Variants in EPHB2 observed in about 807,000 individuals in gnomAD.
The protein encoded by EPHB2 is EPH receptor B2, also known as ephrin type-B receptor 2.
A neutral mutation model predicts 96.4 loss-of-function variants in EPHB2; 18 were observed. The ratio of observed to expected loss-of-function variants is 0.19; its 90% CI spans 0.13 to 0.28. The LOEUF (loss-of-function observed/expected upper bound fraction) is 0.28, where lower values mean the gene tolerates loss of function less well. EPHB2 is among the 10% of genes least tolerant of loss of function. The pLI, the probability that EPHB2 is intolerant of heterozygous loss-of-function variation, is 1.00. For synonymous variants in EPHB2, 506 were observed against 534.1 expected (o/e 0.95, Z 0.72); for missense variants, 989 against 1,355.4 (o/e 0.73, Z 4.25).
chr1:22,832,342 A>C (rs1229046877), intron 3 of EPHB2, among the ~76,000 whole-genome samples: 1 of 152,192 alleles, frequency 6.6e-6, no homozygotes, highest in Non-Finnish European at 1.5e-5. Flanking sequence ...ACCGGGCCTC[A>C]AGAAATGGTG....
chr1:22,712,769 G>C (rs886854529), intron 1 of EPHB2, among the ~76,000 whole-genome samples: 1 of 152,226 alleles, frequency 6.6e-6, no homozygotes, highest in African/African-American at 2.4e-5. Flanking sequence ...TGTGGAATAT[G>C]GCTGAGGTAC....
At chr1:22,797,616 T>G (rs1031447180) in intron 3 of EPHB2, among the ~76,000 whole-genome samples, 1 of 152,068 alleles carries the variant, frequency 6.6e-6, no homozygotes, top group African/African-American at 2.4e-5. Context: ...CCAGACTCAC[T>G]CCACTGTCTC....
chr1:22,893,108 G>A, intron 7 of EPHB2, 62 bp downstream of exon 7: 2 of 1,612,412 alleles, frequency 1.2e-6, no homozygotes, highest in South Asian at 2.2e-5. Context: ...AAACTCAAGG[G>A]TCACCATTCT....
At chr1:22,866,068 A>G (rs1638465033) in intron 5 of EPHB2, among the ~76,000 whole-genome samples, 1 of 152,130 alleles carries the variant, frequency 6.6e-6, no homozygotes, top group African/African-American at 2.4e-5. Flanking sequence ...TCAGTGTCAT[A>G]GGAGGCTAAG....
At chr1:22,824,108 G>T (rs1645189835) in intron 3 of EPHB2, among the ~76,000 whole-genome samples, 2 of 152,154 alleles carry the variant, frequency 1.3e-5, no homozygotes, top group Admixed American at 6.5e-5. Context: ...TAAGTATTTG[G>T]GAGGGGCTGG....
chr1:22,893,796 G>T (rs1229600801), intron 7 of EPHB2, among the ~76,000 whole-genome samples: 1 of 152,148 alleles, frequency 6.6e-6, no homozygotes, highest in East Asian at 1.9e-4. Flanking sequence ...CCTAGCACAG[G>T]GTTGGCACTA....
chr1:22,885,289 G>A (rs930563154), intron 6 of EPHB2, among the ~76,000 whole-genome samples: 5 of 152,186 alleles, frequency 3.3e-5, no homozygotes, highest in African/African-American at 1.2e-4. Context: ...CCCCAAAGAC[G>A]GGCAACGGAA....
chr1:22,723,167 C>A (rs947434628), intron 1 of EPHB2, among the ~76,000 whole-genome samples: 1 of 152,250 alleles, frequency 6.6e-6, no homozygotes, highest in Non-Finnish European at 1.5e-5. Context: ...GGACAAAAAG[C>A]ATCTGAAACG....
intron 3 of EPHB2, among the ~76,000 whole-genome samples, chr1:22,808,696 G>T (rs972296778): frequency 1.3e-5 from 2 of 152,242 alleles, no homozygotes; most frequent in Non-Finnish European, 2.9e-5. Context: ...AGCTCTTAAT[G>T]TATATTTAAT....
chr1:22,848,483 C>G (rs1201062282), intron 3 of EPHB2, among the ~76,000 whole-genome samples: 1 of 152,256 alleles, frequency 6.6e-6, no homozygotes. Context: ...TACTTCTACT[C>G]TTACAGCCTA....
chr1:22,792,605 C>G (rs988902414), intron 3 of EPHB2, among the ~76,000 whole-genome samples: 2 of 152,158 alleles, frequency 1.3e-5, no homozygotes, highest in African/African-American at 4.8e-5. Flanking sequence ...ATCCATCTGT[C>G]CATGATACAT....
intron 6 of EPHB2, among the ~76,000 whole-genome samples, chr1:22,884,493 A>G (rs1639159450): frequency 6.6e-6 from 1 of 151,968 alleles, no homozygotes; most frequent in African/African-American, 2.4e-5. Flanking sequence ...GGTGGTGCAC[A>G]CCTGTAATCC....
At chr1:22,740,474 G>A (rs1238029908) in intron 1 of EPHB2, among the ~76,000 whole-genome samples, 3 of 152,176 alleles carry the variant, frequency 2.0e-5, no homozygotes, top group Non-Finnish European at 4.4e-5. Flanking sequence ...CTGGGGTCCT[G>A]CGGTCTGGCG....
chr1:22,807,126 C>CCTCCCCTT (rs1375679124), intron 3 of EPHB2, among the ~76,000 whole-genome samples: 4 of 152,236 alleles, frequency 2.6e-5, no homozygotes, highest in Non-Finnish European at 4.4e-5. Context: ...GGACCTGTCA[C>CCTCCCCTT]CTCCCCTTCT....
chr1:22,819,307 T>C (rs1645120276), intron 3 of EPHB2, among the ~76,000 whole-genome samples: 1 of 150,332 alleles, frequency 6.7e-6, no homozygotes, highest in Non-Finnish European at 1.5e-5. Flanking sequence ...CCACCGCCTC[T>C]CACAACCTCT....
At chr1:22,894,386 T>A (rs1288376255) in intron 7 of EPHB2, among the ~76,000 whole-genome samples, 1 of 151,994 alleles carries the variant, frequency 6.6e-6, no homozygotes, top group East Asian at 1.9e-4. Flanking sequence ...TCACCTGAGG[T>A]CAGGAGTTCG....
chr1:22,736,280 G>A (rs1012099168), intron 1 of EPHB2, among the ~76,000 whole-genome samples: 4 of 152,196 alleles, frequency 2.6e-5, no homozygotes, highest in African/African-American at 9.7e-5. Flanking sequence ...GAGTGATAAG[G>A]CTGGTATGGG....
intron 3 of EPHB2, among the ~76,000 whole-genome samples, chr1:22,800,901 T>G (rs866553079): frequency 1.3e-5 from 2 of 152,140 alleles, no homozygotes; most frequent in Admixed American, 6.5e-5. Context: ...TGAAGCAAAA[T>G]CAGTGGTTCC....
intron 3 of EPHB2, among the ~76,000 whole-genome samples, chr1:22,844,163 A>G (rs1645508134): frequency 6.6e-6 from 1 of 152,104 alleles, no homozygotes; most frequent in Non-Finnish European, 1.5e-5. Context: ...GCATCTACCT[A>G]ATATTCGGAT....
Sources: allele counts gnomAD v4.1 joint callset (sites outside exome capture counted in the v4.1 genomes callset), GRCh38; gene constraint gnomAD v4.1.1; transcripts MANE v1.5; gene names NCBI Gene and HGNC (gene_info 2026-07-23, HGNC 2026-07-21).